The following DNTTIP1 variants were observed in gnomAD, a reference collection of about 807,000 sequenced individuals.
The protein encoded by DNTTIP1 is deoxynucleotidyltransferase terminal interacting protein 1.
DNTTIP1 carries 22 observed loss-of-function variants against 52.9 expected under a neutral mutation model. The observed-to-expected ratio is 0.42, with a 90% CI of 0.30 to 0.59. DNTTIP1 has a LOEUF of 0.59. Ranked by LOEUF, DNTTIP1 falls within the 20% of genes least tolerant of loss-of-function variation. The pLI is 0.22. For missense variants in DNTTIP1, 286 were observed against 435.5 expected (o/e 0.66, Z 3.06); for synonymous variants, 136 against 155.1 (o/e 0.88, Z 0.92).
chr20:45,809,155 GC>G lies in DNTTIP1; in HGVS notation c.766del (p.His256IlefsTer34). 1.9e-6 allele frequency: 3 copies of G among 1,614,122 alleles called. No homozygotes were observed. Among genetic ancestry groups the G allele is most frequent in the Non-Finnish European group, 2.5e-6 (3 of 1,180,022 alleles). On this transcript the variant is annotated frameshift_variant, in exon 11 of 13. Coordinates refer to ENST00000372622, the MANE Select transcript of DNTTIP1 (RefSeq NM_052951.3). LOFTEE classifies it high-confidence loss of function. This position sits in a 1 kb window ranked among gnomAD's most constrained non-coding sequence, Gnocchi z 4.2. ...PQDKHWLAEQ[H>X]HMRATGGKMA... The stretch of plus-strand genomic sequence containing the variant: ...AGGATAAGCACTGGCTGGCTGAGCA[GC>G]ATCACATGCGGGCAACAGGGGGCAA...
At chr20:45,804,354 T>A (rs572201495) in intron 8 of DNTTIP1, among the ~76,000 whole-genome samples, 8 of 152,320 alleles carry the variant, frequency 5.3e-5, no homozygotes, top group Non-Finnish European at 1.0e-4. Flanking sequence ...CTTCTGTTCA[T>A]CCTTACTGCT....
rs754399889 is a variant in DNTTIP1, at chr20:45,810,922, C to T, written c.833C>T (p.Ala278Val). The T allele has an allele frequency of 3.7e-6, 6 of 1,614,052 alleles. No individual in the cohort carries two copies. The highest frequency in any genetic ancestry group is 4.5e-5 in the East Asian group (2 of 44,904). Residue 278 changes from alanine to valine, a missense_variant, in exon 12 of 13, where the codon GCG (alanine) becomes GTG (valine). Physicochemically the swap from Ala to Val is moderately conservative, Grantham distance 64. Transcript: ENST00000372622. ...LLIEEDIRDL[A>V]ASDDYRGCLD... Reference sequence around the variant, plus strand: ...ATCGAGGAGGACATCCGGGACCTTGCGGCCAGTGATGATTACAGGTAAAAC... The same window carrying T: ...ATCGAGGAGGACATCCGGGACCTTGTGGCCAGTGATGATTACAGGTAAAAC...
Position 45,795,449 on chromosome 20 carries a change from A to T in DNTTIP1, c.372+6A>T. 1 of 1,574,982 alleles carries T rather than the reference A, an allele frequency of 6.3e-7. No individual in the cohort carries two copies. The highest frequency in any genetic ancestry group is 1.1e-5 in the South Asian group (1 of 88,100). On this transcript the variant is annotated splice_donor_region_variant and intron_variant, in intron 4 of 12. Transcript: ENST00000372622. ...GTCGGAGCTGCCTGGAGCAGGTGAGACCAAAGGGGACAAGAGATGCAGGCA... is the reference window on the plus strand; with the variant it reads ...GTCGGAGCTGCCTGGAGCAGGTGAGTCCAAAGGGGACAAGAGATGCAGGCA...
At position 45,802,124 on chromosome 20, in the gene DNTTIP1, A is replaced by G. The variant is rs1274953220; in HGVS notation, c.557+67A>G. 5.9e-6 allele frequency: 9 copies of G among 1,537,344 alleles called. No homozygotes were observed. In the East Asian group the frequency reaches 1.8e-4, roughly 31 times the overall value. ...GACGGAGAGAGGGGCCCTGAAGGAAAAGAGTCCAGGGTTCTGTGCCTGTCA... is the reference window on the plus strand; with the variant it reads ...GACGGAGAGAGGGGCCCTGAAGGAAGAGAGTCCAGGGTTCTGTGCCTGTCA... On this transcript the variant is annotated intron_variant, in intron 7 of 12. Coordinates refer to ENST00000372622, the MANE Select transcript of DNTTIP1 (RefSeq NM_052951.3).
intron 3 of DNTTIP1, 94 bp downstream of exon 3, chr20:45,794,111 A>C: frequency 1.5e-6 from 1 of 659,572 alleles, no homozygotes; most frequent in African/African-American, 1.9e-5. Context: ...TCCTACATAC[A>C]GATATCTAAA....
chr20:45,801,878 C>G, intron 6 of DNTTIP1, 121 bp from the exon 7 acceptor site: 2 of 1,014,088 alleles, frequency 2.0e-6, no homozygotes, highest in South Asian at 2.5e-5. Flanking sequence ...TTCTCCCTGT[C>G]CCTGTCAAAC....
intron 4 of DNTTIP1, among the ~76,000 whole-genome samples, chr20:45,799,378 A>T (rs1568707167): frequency 6.6e-6 from 1 of 152,188 alleles, no homozygotes; most frequent in Non-Finnish European, 1.5e-5. Flanking sequence ...AGCACTGTCA[A>T]ATGCCACTGG....
intron 10 of DNTTIP1, among the ~76,000 whole-genome samples, chr20:45,807,986 G>A (rs1454231254): frequency 1.3e-5 from 2 of 151,798 alleles, no homozygotes. Context: ...TTCACTCCTC[G>A]ATTTTTTTTT....
rs1981603829 is a variant in DNTTIP1, at chr20:45,805,461, G to A, written c.723+95G>A. ...GAAGCTTAGAACAAACACTGATCTT[G>A]GAGTCAGGACATCTGGGTTCTAGTT... On this transcript the variant is annotated intron_variant, in intron 10 of 12. Coordinates refer to ENST00000372622, the MANE Select transcript of DNTTIP1 (RefSeq NM_052951.3). The A allele has an allele frequency of 4.4e-6, 6 of 1,369,108 alleles. No homozygotes were observed. The South Asian group carries it at 7.0e-5, about 16-fold the overall frequency. The allele number at this position is 1,369,108 out of a possible 1,614,324, so 84.8% of individuals were successfully genotyped here. A position where few individuals can be genotyped will look rare whatever the true frequency, so the allele number is the denominator to read the frequency against.
chr20:45,808,069 G>A (rs966266344), intron 10 of DNTTIP1, among the ~76,000 whole-genome samples: 1 of 151,934 alleles, frequency 6.6e-6, no homozygotes, highest in Non-Finnish European at 1.5e-5. Context: ...TATTTGGGTT[G>A]AGCACAGTAG....
intron 1 of DNTTIP1, 31 bp from the exon 2 acceptor site, chr20:45,792,646 G>T: frequency 6.5e-7 from 1 of 1,540,338 alleles, no homozygotes; most frequent in Non-Finnish European, 8.8e-7. Context: ...GTCACAGGCC[G>T]CAGTGACATT....
intron 4 of DNTTIP1, among the ~76,000 whole-genome samples, chr20:45,800,688 AAAAAAAATATATATATATATATATATAT>A (rs1981405366): frequency 5.4e-5 from 3 of 55,876 alleles, no homozygotes; most frequent in South Asian, 6.8e-4. Flanking sequence ...TTAAAAAAAA[AAAAAAAATATATATATATATATATATAT>A]ATATATATAT....
intron 7 of DNTTIP1, among the ~76,000 whole-genome samples, chr20:45,802,370 C>T (rs530050334): frequency 6.6e-6 from 1 of 152,188 alleles, no homozygotes; most frequent in Admixed American, 6.5e-5. Flanking sequence ...TTATAGCCAC[C>T]CTGTAAAGAA....
intron 1 of DNTTIP1, 64 bp from the exon 2 acceptor site, chr20:45,792,613 C>A: frequency 7.5e-7 from 1 of 1,334,912 alleles, no homozygotes; most frequent in South Asian, 1.4e-5. Flanking sequence ...CATACCCACC[C>A]TCCACCTCCA....
At chr20:45,808,277 G>A (rs899978211) in intron 10 of DNTTIP1, among the ~76,000 whole-genome samples, 11 of 152,160 alleles carry the variant, frequency 7.2e-5, no homozygotes, top group African/African-American at 2.4e-4. Context: ...CCAGGAGGTG[G>A]AGGTTGCGGT....
rs78295543 is a variant in DNTTIP1, at chr20:45,795,237, T to C, written c.274-108T>C. 5,972 of 621,438 alleles carry C rather than the reference T, an allele frequency of 9.6e-3. 340 individuals carry two copies. In the East Asian group the frequency reaches 0.13, roughly 14 times the overall value. The allele number at this position is 621,438 out of a possible 1,614,324, so 38.5% of individuals were successfully genotyped here. ...TCCCAAAGCCCTGCTCATAATCACT[T>C]TTCCCTTCTGTATGAAGCTAGGATA... On this transcript the variant is annotated intron_variant, in intron 3 of 12. Transcript: ENST00000372622.
chr20:45,804,194 T>G (rs1425025230), intron 8 of DNTTIP1, among the ~76,000 whole-genome samples: 1 of 152,202 alleles, frequency 6.6e-6, no homozygotes, highest in East Asian at 1.9e-4. Context: ...ACTCAGCATA[T>G]CCAAACATGA....
rs781260133 is a variant in DNTTIP1, at chr20:45,794,012, A to C, written c.268A>C (p.Met90Leu). 3.1e-6 allele frequency: 5 copies of C among 1,589,184 alleles called. No individual in the cohort carries two copies. In the East Asian group the frequency reaches 1.1e-4, roughly 36 times the overall value. ...GATCCAGACTGTCTTCAACAAGTAC[A>C]TGAAGGTGAGAGGGACACAGGATAA... ...EEIQTVFNKY[M>L]KFFQKAALNV... Residue 90 changes from methionine to leucine, a missense_variant, in exon 3 of 13, where the codon ATG becomes CTG. Coordinates refer to ENST00000372622, the MANE Select transcript of DNTTIP1 (RefSeq NM_052951.3).
chr20:45,796,865 C>T (rs1021107006), intron 4 of DNTTIP1, among the ~76,000 whole-genome samples: 3 of 152,178 alleles, frequency 2.0e-5, no homozygotes, highest in South Asian at 2.1e-4. Flanking sequence ...TGGATCATTT[C>T]GCGTTTCTTG....
Sources: gnomAD v4.1 joint callset for allele counts (sites outside exome capture counted in the v4.1 genomes callset) on GRCh38, gnomAD v4.1.1 for gene constraint, Gnocchi (gnomAD v3.1) non-coding constraint, MANE v1.5 for transcripts, NCBI Gene and HGNC (gene_info 2026-07-23, HGNC 2026-07-21) for gene names.